Variants in PREX2 observed in about 807,000 individuals in gnomAD.
PREX2 encodes the protein phosphatidylinositol-3,4,5-trisphosphate dependent Rac exchange factor 2.
In PREX2, 107 loss-of-function variants were observed where a neutral mutation model predicts 203.2. That is an observed-to-expected ratio of 0.53 (90% CI 0.45 to 0.62). The LOEUF is 0.62. Among genes scored for constraint, PREX2 ranks in the 20% least tolerant of loss-of-function variants. PREX2 has a pLI of 0.00. For synonymous variants in PREX2, 672 were observed against 663.6 expected (o/e 1.01, Z -0.19); for missense variants, 1,777 against 1,955.9 (o/e 0.91, Z 1.72).
At chr8:68,159,723 A>G (rs1811615574) in intron 35 of PREX2, among the ~76,000 whole-genome samples, 1 of 152,220 alleles carries the variant, frequency 6.6e-6, no homozygotes, top group Admixed American at 6.5e-5. Context: ...TATATCTGAA[A>G]CTATGCCATT....
chr8:68,084,757 C>T (rs1809632299), intron 18 of PREX2, among the ~76,000 whole-genome samples: 1 of 152,112 alleles, frequency 6.6e-6, no homozygotes, highest in Admixed American at 6.6e-5. Context: ...AGAAGACTGT[C>T]CTGCTTGCCC....
intron 1 of PREX2, among the ~76,000 whole-genome samples, chr8:67,983,546 C>T (rs1345516942): frequency 6.6e-6 from 1 of 152,206 alleles, no homozygotes; most frequent in African/African-American, 2.4e-5. Flanking sequence ...ATAGTTCAGT[C>T]ACCCACAATG....
intron 1 of PREX2, among the ~76,000 whole-genome samples, chr8:67,989,080 T>A (rs1806522097): frequency 6.6e-6 from 1 of 152,020 alleles, no homozygotes. Flanking sequence ...TCTGGAGCCA[T>A]CTGAGTATGT....
At chr8:68,094,783 CA>C (rs1197653896) in intron 21 of PREX2, among the ~76,000 whole-genome samples, 1 of 152,192 alleles carries the variant, frequency 6.6e-6, no homozygotes, top group Non-Finnish European at 1.5e-5. Flanking sequence ...TCCTACAATT[CA>C]ATTTAGTTGT....
rs1416479464 is a variant in PREX2 at position 68,061,648 on chromosome 8, G to A, written c.1339+869G>A. On this transcript the variant is annotated intron_variant, in intron 11 of 39. Coordinates refer to ENST00000288368, the MANE Select transcript of PREX2 (RefSeq NM_024870.4). The stretch of plus-strand genomic sequence containing the variant: ...GAAGAGAGAGATTAAAGTATTCTGA[G>A]CCTTCTTCTCTGAATGACTGAGATA... 3.9e-5 allele frequency among the ~76,000 whole-genome samples: 6 copies of A among 152,318 alleles called. No homozygotes were observed. The East Asian group carries it at 7.7e-4, about 20-fold the overall frequency.
chr8:68,096,435 G>A (rs774185055), intron 21 of PREX2, among the ~76,000 whole-genome samples: 8 of 152,022 alleles, frequency 5.3e-5, no homozygotes, highest in South Asian at 2.1e-4. Flanking sequence ...ACCAGCTGAC[G>A]TACCATATGT....
At chr8:68,226,566 A>G (rs1405837960) in intron 39 of PREX2, among the ~76,000 whole-genome samples, 1 of 152,194 alleles carries the variant, frequency 6.6e-6, no homozygotes, top group Non-Finnish European at 1.5e-5. Flanking sequence ...TATTTGATTC[A>G]AATCCTCAAC....
chr8:68,005,404 C>T (rs917827278), intron 1 of PREX2, among the ~76,000 whole-genome samples: 1 of 152,174 alleles, frequency 6.6e-6, no homozygotes, highest in Non-Finnish European at 1.5e-5. Context: ...GTGAGCTTCA[C>T]ACCAACTCTG....
At chr8:68,104,481 C>T (rs1207186763) in intron 23 of PREX2, among the ~76,000 whole-genome samples, 1 of 152,168 alleles carries the variant, frequency 6.6e-6, no homozygotes, top group African/African-American at 2.4e-5. Flanking sequence ...GACCCCTTTC[C>T]AGATGCTCAC....
chr8:68,072,419 A>G (rs1167335039), intron 13 of PREX2, 76 bp from the exon 14 acceptor site: 6 of 770,754 alleles, frequency 7.8e-6, no homozygotes, highest in African/African-American at 1.8e-5. Context: ...CTAAATGAAA[A>G]TATTTTCTTG....
chr8:68,071,547 TC>T (rs1809195496), intron 13 of PREX2, among the ~76,000 whole-genome samples: 1 of 152,224 alleles, frequency 6.6e-6, no homozygotes, highest in African/African-American at 2.4e-5. Context: ...TGCCACTTTT[TC>T]ATTTTTTTAT....
At chr8:67,962,229 TA>T (rs1329129241) in intron 1 of PREX2, among the ~76,000 whole-genome samples, 1 of 152,228 alleles carries the variant, frequency 6.6e-6, no homozygotes, top group African/African-American at 2.4e-5. Context: ...CAAGAAATGC[TA>T]ATGTTTTCCC....
intron 1 of PREX2, among the ~76,000 whole-genome samples, chr8:68,002,220 T>C (rs1279035745): frequency 2.0e-5 from 3 of 151,854 alleles, no homozygotes; most frequent in Admixed American, 6.6e-5. Flanking sequence ...TGATCTTGGT[T>C]CTCTGCAACT....
At chr8:68,049,663 G>A (rs556980743) in intron 8 of PREX2, among the ~76,000 whole-genome samples, 43 of 152,150 alleles carry the variant, frequency 2.8e-4, no homozygotes, top group African/African-American at 8.7e-4. Context: ...TTAAAGAATG[G>A]CAATTTAAAA....
At chr8:68,214,312 A>C (rs569413650) in intron 37 of PREX2, among the ~76,000 whole-genome samples, 1 of 152,232 alleles carries the variant, frequency 6.6e-6, no homozygotes, top group East Asian at 1.9e-4. Flanking sequence ...AGGAGGGAGG[A>C]TCACCTGAGC....
At chr8:68,199,769 A>T (rs1286203293) in intron 37 of PREX2, among the ~76,000 whole-genome samples, 2 of 152,220 alleles carry the variant, frequency 1.3e-5, no homozygotes, top group African/African-American at 4.8e-5. Context: ...TCTTTGTAAT[A>T]CTTTACTCTG....
chr8:68,112,191 C>G (rs916130186), intron 25 of PREX2, among the ~76,000 whole-genome samples: 1 of 152,156 alleles, frequency 6.6e-6, no homozygotes, highest in African/African-American at 2.4e-5. Context: ...TGAATTTAAT[C>G]AAGGATTTGT....
chr8:68,119,861 CT>C (rs1563554761), intron 28 of PREX2, among the ~76,000 whole-genome samples: 3 of 152,016 alleles, frequency 2.0e-5, no homozygotes, highest in African/African-American at 7.2e-5. Context: ...AAGATATTGC[CT>C]TGGATGCTAA....
intron 31 of PREX2, among the ~76,000 whole-genome samples, chr8:68,129,595 C>G (rs2129613301): frequency 6.6e-6 from 1 of 152,182 alleles, no homozygotes; most frequent in African/African-American, 2.4e-5. Flanking sequence ...CCTGCAATCT[C>G]TGTGCTAGAA....
Sources: gnomAD v4.1 joint callset for allele counts (sites outside exome capture counted in the v4.1 genomes callset) on GRCh38, gnomAD v4.1.1 for gene constraint, MANE v1.5 for transcripts, NCBI Gene and HGNC (gene_info 2026-07-23, HGNC 2026-07-21) for gene names.